The following TTC23L variants were observed in gnomAD, a reference collection of about 807,000 sequenced individuals.
The protein encoded by TTC23L is tetratricopeptide repeat domain 23 like.
In TTC23L, 42 loss-of-function variants were observed where a neutral mutation model predicts 48.1. The observed-to-expected ratio is 0.87, with a 90% CI of 0.68 to 1.13. The LOEUF is 1.13. TTC23L is among the 50% of genes most tolerant of loss of function. The pLI is 0.00. For missense variants in TTC23L, 391 were observed against 421.0 expected, an observed-to-expected ratio of 0.93 and a Z score of 0.62; for synonymous variants, 159 against 157.2, an observed-to-expected ratio of 1.01 and a Z score of -0.09.
intron 4 of TTC23L, among the ~76,000 whole-genome samples, chr5:34,851,139 T>G (rs970341497): frequency 6.6e-6 from 1 of 152,180 alleles, no homozygotes; most frequent in African/African-American, 2.4e-5. Flanking sequence ...TTGTACACAA[T>G]ATGGTTTGGC....
the TTC23L span, among the ~76,000 whole-genome samples, chr5:34,917,288 C>T: frequency 6.6e-6 from 1 of 152,242 alleles, no homozygotes; most frequent in South Asian, 2.1e-4. Flanking sequence ...AAAGCTATGT[C>T]ATTTGAACTT....
chr5:34,839,186 G>A (rs1471147348), exon 1 of TTC23L: 6 of 152,764 alleles, frequency 3.9e-5, no homozygotes, highest in African/African-American at 1.4e-4. Flanking sequence ...GCCGGACCTG[G>A]GCTGCGGAAG....
chr5:34,913,448 C>T, the TTC23L span: 2 of 1,419,202 alleles, frequency 1.4e-6, no homozygotes, highest in Non-Finnish European at 1.9e-6. Flanking sequence ...ACTTTTATGT[C>T]TTTATACTGA....
chr5:34,845,813 CA>C, intron 3 of TTC23L, 140 bp downstream of exon 3: 1 of 882,568 alleles, frequency 1.1e-6, no homozygotes, highest in South Asian at 1.9e-5. Flanking sequence ...GAAAACAAAG[CA>C]GAGCCTACTT....
chr5:34,912,517 T>C, the TTC23L span, among the ~76,000 whole-genome samples: 26 of 151,944 alleles, frequency 1.7e-4, no homozygotes, highest in African/African-American at 6.3e-4. Context: ...AATAGTGGAA[T>C]TGTCTGTGGA....
chr5:34,899,734 CA>C (rs544398826), downstream of TTC23L, among the ~76,000 whole-genome samples: 2 of 151,764 alleles, frequency 1.3e-5, no homozygotes, highest in African/African-American at 4.8e-5. Context: ...ACTAAAAATA[CA>C]AAAAAAATTA....
At chr5:34,842,573 C>T (rs1758777828) in intron 2 of TTC23L, among the ~76,000 whole-genome samples, 1 of 152,052 alleles carries the variant, frequency 6.6e-6, no homozygotes, top group South Asian at 2.1e-4. Context: ...ATTTATTAGG[C>T]AAAAGAGATG....
chr5:34,899,177 CTAGTAAGATTTTAGAGG>C (rs1763410574), intron 10 of TTC23L, among the ~76,000 whole-genome samples, 196 bp from the exon 11 acceptor site: 1 of 152,092 alleles, frequency 6.6e-6, no homozygotes, highest in Non-Finnish European at 1.5e-5. Flanking sequence ...ACCCGAGACT[CTAGTAAGATTTTAGAGG>C]CCTATTAGAA....
At chr5:34,892,039 C>G (rs141393677) in intron 9 of TTC23L, among the ~76,000 whole-genome samples, 180 of 152,326 alleles carry the variant, frequency 1.2e-3, no homozygotes, top group African/African-American at 4.2e-3. Flanking sequence ...AAGCCCATAT[C>G]TCATTCCTCA....
chr5:34,884,170 G>C (rs1173633664), intron 9 of TTC23L, among the ~76,000 whole-genome samples: 1 of 152,110 alleles, frequency 6.6e-6, no homozygotes, highest in Non-Finnish European at 1.5e-5. Context: ...GATACTCTGA[G>C]ATGCAGAAAA....
At chr5:34,845,430 C>A in intron 2 of TTC23L, 57 bp from the exon 3 acceptor site, 1 of 1,545,610 alleles carries the variant, frequency 6.5e-7, no homozygotes, top group South Asian at 1.2e-5. Flanking sequence ...TTCAATTTTA[C>A]CTTGTTTGAG....
intron 8 of TTC23L, among the ~76,000 whole-genome samples, chr5:34,873,579 G>A (rs1761625645): frequency 1.3e-5 from 2 of 152,174 alleles, no homozygotes; most frequent in East Asian, 3.8e-4. Flanking sequence ...ATCAGATAAA[G>A]GGGGCAAACT....
chr5:34,887,457 G>C (rs918042980), intron 9 of TTC23L, among the ~76,000 whole-genome samples: 1 of 152,086 alleles, frequency 6.6e-6, no homozygotes, highest in Non-Finnish European at 1.5e-5. Context: ...AAATAATGAA[G>C]ACTCTTAACA....
At chr5:34,898,824 G>C (rs1422883448) in intron 10 of TTC23L, among the ~76,000 whole-genome samples, 1 of 152,106 alleles carries the variant, frequency 6.6e-6, no homozygotes, top group Non-Finnish European at 1.5e-5. Context: ...TTTCAGGCTT[G>C]AGGTAGAAAT....
In TTC23L at chr5:34,893,032, T is replaced by C. The variant is rs139663947; in HGVS notation, c.1078-3738T>C. ...AGGATAGATGGTACCTAGGGAGAAG[T>C]GGGGAGAGCAGTTAGGAGGTAGATC... On this transcript the variant is annotated intron_variant, in intron 9 of 10. Coordinates refer to ENST00000505624, the Ensembl canonical transcript of TTC23L. Among the ~76,000 whole-genome samples the C allele has an allele frequency of 2.5e-4, 38 of 152,056 alleles. 1 individual carries two copies. In the East Asian group the frequency reaches 6.6e-3, roughly 26 times the overall value.
intron 9 of TTC23L, among the ~76,000 whole-genome samples, chr5:34,894,521 G>C (rs1043780608): frequency 1.3e-5 from 2 of 152,070 alleles, no homozygotes; most frequent in African/African-American, 4.8e-5. Flanking sequence ...GATTATGGAG[G>C]ACTTTCAAAT....
At chr5:34,919,865 G>A in the TTC23L span, 2 of 1,196,366 alleles carry the variant, frequency 1.7e-6, no homozygotes, top group South Asian at 1.4e-5. Context: ...GTAAGGATAA[G>A]CTATTTGTGA....
At chr5:34,923,587 T>A in the TTC23L span, among the ~76,000 whole-genome samples, 7 of 152,170 alleles carry the variant, frequency 4.6e-5, no homozygotes, top group Non-Finnish European at 1.0e-4. Context: ...CTAATTTTTT[T>A]TTTTAGAGAT....
chr5:34,904,316 C>T (rs1210866366), downstream of TTC23L, among the ~76,000 whole-genome samples: 3 of 150,952 alleles, frequency 2.0e-5, no homozygotes, highest in East Asian at 6.1e-4. Context: ...ATGTAAACGG[C>T]TGGGTGTGGT....
Sources: gnomAD v4.1 joint callset for allele counts (sites outside exome capture counted in the v4.1 genomes callset) on GRCh38, gnomAD v4.1.1 for gene constraint, MANE v1.5 for transcripts, NCBI Gene and HGNC (gene_info 2026-07-23, HGNC 2026-07-21) for gene names.